The following CYYR1 variants were observed in gnomAD, a reference collection of about 807,000 sequenced individuals.
CYYR1 encodes the protein cysteine and tyrosine rich 1.
A neutral mutation model predicts 15.2 loss-of-function variants in CYYR1; 14 were observed. The observed-to-expected ratio is 0.92, with a 90% confidence interval of 0.61 to 1.44. The LOEUF (loss-of-function observed/expected upper bound fraction) is 1.44. Ranked by LOEUF, CYYR1 falls within the 40% of genes most tolerant of loss-of-function variation. The probability of loss-of-function intolerance (pLI) is 0.00; values close to 1 mark genes in which losing one functional copy is unlikely to be tolerated. For missense variants in CYYR1, 228 were observed against 209.5 expected (o/e 1.09, Z -0.54); for synonymous variants, 80 against 77.4 (o/e 1.03, Z -0.18).
intron 2 of CYYR1, among the ~76,000 whole-genome samples, chr21:26,488,155 T>C (rs2065276248): frequency 6.6e-6 from 1 of 152,096 alleles, no homozygotes. Context: ...ACAGAGACAA[T>C]TGTGTAACCC....
At chr21:26,506,270 C>T (rs1247904811) in intron 2 of CYYR1, among the ~76,000 whole-genome samples, 1 of 152,146 alleles carries the variant, frequency 6.6e-6, no homozygotes, top group Admixed American at 6.5e-5. Context: ...ACGCCTCTAG[C>T]CTACAGTCAT....
At chr21:26,559,292 T>G (rs1980032366) in intron 2 of CYYR1, among the ~76,000 whole-genome samples, 1 of 152,204 alleles carries the variant, frequency 6.6e-6, no homozygotes, top group African/African-American at 2.4e-5. Context: ...ACATTGCCCA[T>G]TATCCTATTC....
rs146317484 is a variant in CYYR1 at position 26,512,638 on chromosome 21, A to G, written c.177-32209T>C. 2.0e-3 allele frequency among the ~76,000 whole-genome samples: 305 copies of G among 152,326 alleles called. 1 individual carries two copies. Among genetic ancestry groups the G allele is most frequent in the Non-Finnish European group, 3.3e-3 (226 of 68,020 alleles). ...TGGCTTAAAAAGTGAGAAGAGTAACATTTTGTGAAATTCAAATTTCAGTGT... is the reference window on the plus strand; with the variant it reads ...TGGCTTAAAAAGTGAGAAGAGTAACGTTTTGTGAAATTCAAATTTCAGTGT... On this transcript the variant is annotated intron_variant, in intron 2 of 3. Coordinates refer to ENST00000652641, the MANE Select transcript of CYYR1 (RefSeq NM_001320768.2).
intron 3 of CYYR1, among the ~76,000 whole-genome samples, chr21:26,469,682 C>G (rs1367351701): frequency 3.3e-5 from 5 of 152,084 alleles, no homozygotes; most frequent in Non-Finnish European, 7.4e-5. Flanking sequence ...TTATTGTTGA[C>G]TATAGTCATC....
At chr21:26,495,381 T>G (rs1179632699) in intron 2 of CYYR1, among the ~76,000 whole-genome samples, 16 of 152,172 alleles carry the variant, frequency 1.1e-4, no homozygotes, top group Admixed American at 1.0e-3. Context: ...ATTTCCCAGC[T>G]TCCCACGCGT....
intron 2 of CYYR1, among the ~76,000 whole-genome samples, chr21:26,543,991 C>G (rs933411621): frequency 7.9e-5 from 12 of 152,180 alleles, no homozygotes; most frequent in African/African-American, 1.9e-4. Context: ...AGTGCTTACC[C>G]TGGAAAGCTA....
intron 2 of CYYR1, among the ~76,000 whole-genome samples, chr21:26,519,776 T>A (rs1331994466): frequency 6.6e-6 from 1 of 152,146 alleles, no homozygotes; most frequent in Non-Finnish European, 1.5e-5. Context: ...GCTTTTACAC[T>A]GTTGGTGGGG....
At chr21:26,535,197 A>G (rs1024430421) in intron 2 of CYYR1, among the ~76,000 whole-genome samples, 3 of 152,202 alleles carry the variant, frequency 2.0e-5, no homozygotes, top group Non-Finnish European at 4.4e-5. Context: ...CCCAAACGTC[A>G]GCATCATACA....
chr21:26,544,332 A>G (rs1046706723), intron 2 of CYYR1, among the ~76,000 whole-genome samples: 1 of 152,238 alleles, frequency 6.6e-6, no homozygotes, highest in African/African-American at 2.4e-5. Flanking sequence ...GAGCGCTTAG[A>G]AAACCAGACA....
intron 3 of CYYR1, among the ~76,000 whole-genome samples, chr21:26,478,350 G>T (rs1353003978): frequency 6.6e-6 from 1 of 152,116 alleles, no homozygotes; most frequent in African/African-American, 2.4e-5. Context: ...CTTAAATGAA[G>T]TGAGGGAGTC....
chr21:26,469,721 C>T (rs2065011306), intron 3 of CYYR1, among the ~76,000 whole-genome samples: 1 of 152,070 alleles, frequency 6.6e-6, no homozygotes, highest in Non-Finnish European at 1.5e-5. Context: ...GAACTTATTC[C>T]TCCTATCTAG....
intron 2 of CYYR1, among the ~76,000 whole-genome samples, chr21:26,487,481 C>CCTACTTCCT (rs1302673478): frequency 6.6e-6 from 1 of 152,060 alleles, no homozygotes; most frequent in Non-Finnish European, 1.5e-5. Context: ...ATCAGATCAT[C>CCTACTTCCT]CTACTTCCTC....
intron 2 of CYYR1, among the ~76,000 whole-genome samples, chr21:26,536,001 G>A (rs998237706): frequency 2.6e-5 from 4 of 152,096 alleles, no homozygotes; most frequent in Non-Finnish European, 5.9e-5. Flanking sequence ...CTCACAGTTC[G>A]GCAGGCTGTA....
At chr21:26,507,369 T>C (rs1262351526) in intron 2 of CYYR1, among the ~76,000 whole-genome samples, 1 of 152,244 alleles carries the variant, frequency 6.6e-6, no homozygotes, top group East Asian at 1.9e-4. Flanking sequence ...AATGTTGCAT[T>C]GCTGAAATGT....
chr21:26,477,872 A>G, intron 3 of CYYR1: 1 of 1,254,464 alleles, frequency 8.0e-7, no homozygotes, highest in Admixed American at 4.1e-5. Context: ...TTATATTCCA[A>G]CATCTTTACA....
At chr21:26,482,746 T>C (rs1442727853) in intron 2 of CYYR1, among the ~76,000 whole-genome samples, 1 of 152,118 alleles carries the variant, frequency 6.6e-6, no homozygotes, top group Admixed American at 6.6e-5. Context: ...TATTGTCTTC[T>C]AGAATTTGGA....
At chr21:26,493,469 A>G (rs541079780) in intron 2 of CYYR1, among the ~76,000 whole-genome samples, 2 of 152,310 alleles carry the variant, frequency 1.3e-5, no homozygotes, top group South Asian at 2.1e-4. Flanking sequence ...AAAACATTGA[A>G]GGTAAAGTTA....
At chr21:26,542,152 G>A (rs1366373833) in intron 2 of CYYR1, among the ~76,000 whole-genome samples, 1 of 147,486 alleles carries the variant, frequency 6.8e-6, no homozygotes, top group Non-Finnish European at 1.5e-5. Context: ...TCAAGTAGAT[G>A]CCCTCTGAAT....
At chr21:26,530,377 A>G (rs2065916313) in intron 2 of CYYR1, among the ~76,000 whole-genome samples, 1 of 151,968 alleles carries the variant, frequency 6.6e-6, no homozygotes, top group Non-Finnish European at 1.5e-5. Flanking sequence ...TGTTGCCTCC[A>G]GTTATAGTTT....
Sources: allele counts gnomAD v4.1 joint callset (sites outside exome capture counted in the v4.1 genomes callset), GRCh38; gene constraint gnomAD v4.1.1; transcripts MANE v1.5; gene names NCBI Gene and HGNC (gene_info 2026-07-23, HGNC 2026-07-21).